DDB2: variants seen among roughly 807,000 people sequenced by gnomAD.
DDB2 encodes damage specific DNA binding protein 2, also known as DNA damage-binding protein 2.
Under a neutral mutation model 50.5 loss-of-function variants are expected in DDB2, and 27 were observed. That is an observed-to-expected ratio of 0.53 (90% CI 0.39 to 0.74). The LOEUF (loss-of-function observed/expected upper bound fraction) is 0.74. DDB2 is among the 30% of genes least tolerant of loss of function. DDB2 has a pLI of 0.00. For missense variants in DDB2, 424 were observed against 545.6 expected (o/e 0.78, Z 2.22); for synonymous variants, 176 against 205.5 (o/e 0.86, Z 1.23).
chr11:47,233,144 G>A, intron 4 of DDB2, 185 bp downstream of exon 4: 1 of 715,950 alleles, frequency 1.4e-6, no homozygotes, highest in Admixed American at 2.1e-5. Flanking sequence ...GTCCAGGTGG[G>A]TTACTGCTTT....
At chr11:47,218,540 G>A (rs1953433314) in intron 3 of DDB2, among the ~76,000 whole-genome samples, 1 of 152,184 alleles carries the variant, frequency 6.6e-6, no homozygotes, top group South Asian at 2.1e-4. Context: ...AGTGTGACTG[G>A]GTGAGGTTTG....
At chr11:47,232,258 C>A (rs936631347) in intron 3 of DDB2, among the ~76,000 whole-genome samples, 1 of 151,904 alleles carries the variant, frequency 6.6e-6, no homozygotes, top group African/African-American at 2.4e-5. Flanking sequence ...GCAGGAGAAT[C>A]GCTTGAACCT....
chr11:47,215,010 TG>T lies in DDB2; in HGVS notation c.-125del. ...GCCCTGGGCATGTTTGGCGGGAAGTTGGCTTAGCTCGGCTACCTGTGGCCCC... is the reference window on the plus strand; with the variant it reads ...GCCCTGGGCATGTTTGGCGGGAAGTTGCTTAGCTCGGCTACCTGTGGCCCC... On this transcript the variant is annotated 5_prime_UTR_variant, in exon 1 of 10. The change abolishes the stop of an existing upstream ORF in the 5' untranslated region. Coordinates refer to ENST00000256996, the MANE Select transcript of DDB2 (RefSeq NM_000107.3). 7.0e-7 allele frequency: 1 copy of T among 1,425,922 alleles called. No individual in the cohort carries two copies. Among genetic ancestry groups the T allele is most frequent in the Non-Finnish European group, 9.8e-7 (1 of 1,016,576 alleles). The allele number at this position is 1,425,922 out of a possible 1,614,324, so 88.3% of individuals were successfully genotyped here.
intron 3 of DDB2, among the ~76,000 whole-genome samples, chr11:47,226,971 A>AT (rs199659792): frequency 1.9e-3 from 283 of 149,678 alleles, no homozygotes; most frequent in African/African-American, 6.1e-3. Context: ...TTAAAAAAAA[A>AT]TTTTTTTTTA....
intron 3 of DDB2, among the ~76,000 whole-genome samples, chr11:47,228,089 G>A (rs1029491014): frequency 6.9e-6 from 1 of 145,360 alleles, no homozygotes; most frequent in African/African-American, 2.6e-5. Flanking sequence ...GCAGTGAGGT[G>A]AGATCGTACC....
At chr11:47,238,247 G>A in intron 9 of DDB2, 64 bp downstream of exon 9, 2 of 1,465,670 alleles carry the variant, frequency 1.4e-6, no homozygotes, top group East Asian at 2.4e-5. Flanking sequence ...GTTCAGTGCG[G>A]GCCAGCCTCA....
chr11:47,230,958 A>G (rs1953638649), intron 3 of DDB2, among the ~76,000 whole-genome samples: 1 of 151,926 alleles, frequency 6.6e-6, no homozygotes, highest in African/African-American at 2.4e-5. Context: ...TGTCTTTACT[A>G]AAAATACAAA....
intron 3 of DDB2, among the ~76,000 whole-genome samples, chr11:47,225,101 A>G (rs991840799): frequency 1.3e-5 from 2 of 151,594 alleles, no homozygotes; most frequent in Non-Finnish European, 2.9e-5. Context: ...CACCACGCCC[A>G]GCTAATTTTT....
At position 47,234,553 on chromosome 11, in the gene DDB2, AAC is replaced by A. The variant is rs768838299; in HGVS notation, c.603-16_603-15del. On this transcript the variant is annotated intron_variant, in intron 4 of 9. Transcript: ENST00000256996. ...CTATCTCTGTCCCCAAGAATCTTAC[AAC>A]ACAGTCTCTCCCTCCAGCATCTGGT... The A allele has an allele frequency of 6.2e-7, 1 of 1,606,684 alleles. No homozygotes were observed. Among genetic ancestry groups the A allele is most frequent in the Non-Finnish European group, 8.5e-7 (1 of 1,173,210 alleles).
chr11:47,220,586 G>A (rs1953470680), intron 3 of DDB2: 1 of 152,212 alleles, frequency 6.6e-6, no homozygotes, highest in African/African-American at 2.4e-5. Flanking sequence ...AATGAAGATT[G>A]GTCTAGGCAT....
chr11:47,227,399 G>A (rs1405373420), intron 3 of DDB2, among the ~76,000 whole-genome samples: 2 of 151,862 alleles, frequency 1.3e-5, no homozygotes, highest in Non-Finnish European at 2.9e-5. Flanking sequence ...GAGACACTGC[G>A]CCCGGCCATG....
chr11:47,214,630 G>T (rs1815169425), upstream of DDB2: 1 of 169,424 alleles, frequency 5.9e-6, no homozygotes, highest in African/African-American at 2.4e-5. Context: ...AATTAGCCGG[G>T]CGTGGTGGCG....
rs750593401 is a variant in DDB2, at chr11:47,237,958, T to A, written c.1145T>A (p.Met382Lys). The change falls in exon 8 of 10, where the codon ATG becomes AAG. Residue 382 changes from methionine to lysine, a missense_variant. Coordinates refer to ENST00000256996, the MANE Select transcript of DDB2 (RefSeq NM_000107.3). Reference protein sequence around the residue: ...IDVFDGNSGKMMCQLYDPESS... With the variant: ...IDVFDGNSGKKMCQLYDPESS... Reference sequence around the variant, plus strand: ...GTGTTCGATGGAAACTCAGGGAAGATGATGTGTCAGCTCTATGACCCAGAA... The same window carrying A: ...GTGTTCGATGGAAACTCAGGGAAGAAGATGTGTCAGCTCTATGACCCAGAA... The A allele has an allele frequency of 5.6e-6, 9 of 1,614,062 alleles. No individual in the cohort carries two copies. The highest frequency in any genetic ancestry group is 7.6e-6 in the Non-Finnish European group (9 of 1,180,044).
At chr11:47,224,959 A>G (rs1398327424) in intron 3 of DDB2, among the ~76,000 whole-genome samples, 1 of 151,024 alleles carries the variant, frequency 6.6e-6, no homozygotes, top group Non-Finnish European at 1.5e-5. Flanking sequence ...CTTTTTTGAG[A>G]TGAGGTCTCA....
At chr11:47,229,418 T>G (rs1378675492) in intron 3 of DDB2, among the ~76,000 whole-genome samples, 2 of 152,124 alleles carry the variant, frequency 1.3e-5, no homozygotes, top group East Asian at 3.9e-4. Flanking sequence ...AAGTTGTGTC[T>G]GCATGGTTGA....
rs375645261 is a variant in DDB2, at chr11:47,232,807, G to A, written c.457-7G>A. ...TCACTCACTGGCTTTTTCCTTCCTC[G>A]TGTTAGATTGGAGCTGGAGGGAGCA... is the stretch of plus-strand genomic sequence containing the variant. On this transcript the variant is annotated splice_region_variant and splice_polypyrimidine_tract_variant and intron_variant, in intron 3 of 9. Coordinates refer to ENST00000256996, the MANE Select transcript of DDB2 (RefSeq NM_000107.3). The A allele has an allele frequency of 8.3e-5, 134 of 1,613,138 alleles. 1 individual carries two copies. The highest frequency in any genetic ancestry group is 1.1e-4 in the Non-Finnish European group (125 of 1,179,986).
intron 3 of DDB2, among the ~76,000 whole-genome samples, chr11:47,231,268 G>A (rs1237213024): frequency 2.0e-5 from 3 of 152,110 alleles, no homozygotes; most frequent in African/African-American, 7.2e-5. Flanking sequence ...GGAAGAATAG[G>A]AAGGGGCACA....
chr11:47,224,991 G>A (rs12576935), intron 3 of DDB2, among the ~76,000 whole-genome samples: 11,492 of 151,858 alleles, frequency 0.076, 504 homozygotes, highest in South Asian at 0.11. Flanking sequence ...AGGCTGGAGT[G>A]CACTGGCATG....
intron 3 of DDB2, among the ~76,000 whole-genome samples, chr11:47,225,931 A>G (rs1953551684): frequency 6.6e-6 from 1 of 152,234 alleles, no homozygotes; most frequent in African/African-American, 2.4e-5. Context: ...ATGTTGTAGC[A>G]TGTGGCAGAA....
Sources: gnomAD v4.1 joint callset for allele counts (sites outside exome capture counted in the v4.1 genomes callset) on GRCh38, gnomAD v4.1.1 for gene constraint, MANE v1.5 for transcripts, NCBI Gene and HGNC (gene_info 2026-07-23, HGNC 2026-07-21) for gene names.